The following AP3D1 variants were observed in gnomAD, a reference collection of about 807,000 sequenced individuals.
AP3D1 encodes adaptor related protein complex 3 subunit delta 1, also known as AP-3 complex subunit delta-1.
AP3D1 carries 51 observed loss-of-function variants against 147.6 expected under a neutral mutation model. That is an observed-to-expected ratio of 0.35 (90% CI 0.28 to 0.44). The LOEUF is 0.44. Among genes scored for constraint, AP3D1 ranks in the 20% least tolerant of loss-of-function variants. The pLI, the probability that AP3D1 is intolerant of heterozygous loss-of-function variation, is 1.00. For synonymous variants in AP3D1, 760 were observed against 663.0 expected (o/e 1.15, Z -2.25); for missense variants, 1,421 against 1,624.2 (o/e 0.87, Z 2.15).
chr19:2,122,755 C>T (rs777253063), intron 11 of AP3D1, among the ~76,000 whole-genome samples: 2 of 152,192 alleles, frequency 1.3e-5, no homozygotes. Flanking sequence ...TACCTGAAAC[C>T]TCAGATAAGG....
At position 2,120,883 on chromosome 19, in the gene AP3D1, C is replaced by T; in HGVS notation, c.1460G>A (p.Trp487Ter). The change falls in exon 14 of 32, where the codon TGG becomes TAG. Residue 487 changes from tryptophan (W) to a stop codon, truncating the protein, a stop_gained. Transcript: ENST00000643116. LOFTEE classifies it high-confidence loss of function. ...TCACTCTGAGAACTCCCCGCAGATC[C>T]AGGCGGCAGCGTACAGCACCTCACA... ...GICEVLYAAA[W>*]ICGEFSEHLQ... 6.2e-7 allele frequency: 1 copy of T among 1,609,844 alleles called. No individual in the cohort carries two copies. The highest frequency in any genetic ancestry group is 8.5e-7 in the Non-Finnish European group (1 of 1,179,720).
chr19:2,161,728 A>C (rs2019700230), intron 1 of AP3D1, among the ~76,000 whole-genome samples: 1 of 151,940 alleles, frequency 6.6e-6, no homozygotes, highest in Non-Finnish European at 1.5e-5. Context: ...GTGGGAATAT[A>C]ACTTGAGATC....
rs372300803 is a variant in AP3D1 at position 2,120,921 on chromosome 19, C to T, written c.1422G>A (p.Gln474=). The change falls in exon 14 of 32, where the codon CAG becomes CAA. Residue 474 remains glutamine (Q), a synonymous_variant. Coordinates refer to ENST00000643116, the MANE Select transcript of AP3D1 (RefSeq NM_001261826.3). ...ACAGCACCTCACAGATCCCGTTCCG[C>T]TGGGTGCTGCTGGCCAGCAGGTGTG... The part of the protein sequence containing the change: ...DSAHLLASST[Q]RNGICEVLYA... 2 of 1,611,694 alleles carry T rather than the reference C, an allele frequency of 1.2e-6. No homozygotes were observed. The highest frequency in any genetic ancestry group is 2.7e-5 in the African/African-American group (2 of 75,072).
chr19:2,135,474 T>C (rs1025069642), intron 4 of AP3D1, among the ~76,000 whole-genome samples: 1 of 152,138 alleles, frequency 6.6e-6, no homozygotes, highest in Non-Finnish European at 1.5e-5. Context: ...AGGCAGAGGT[T>C]GCGGTGAGCC....
chr19:2,156,052 C>CAA, upstream of AP3D1, among the ~76,000 whole-genome samples: 1 of 115,088 alleles, frequency 8.7e-6, no homozygotes, highest in Non-Finnish European at 1.8e-5. Context: ...GACTCCGTCT[C>CAA]AAAAAAAAAA....
intron 9 of AP3D1, 76 bp from the exon 10 acceptor site, chr19:2,123,955 C>T: frequency 2.0e-6 from 3 of 1,476,092 alleles, no homozygotes; most frequent in Middle Eastern, 1.7e-4. Context: ...CCACGGGGCA[C>T]CAGCACCCCC....
At chr19:2,151,868 G>A (rs1046849074), upstream of AP3D1, among the ~76,000 whole-genome samples, 1 of 152,270 alleles carries the variant, frequency 6.6e-6, no homozygotes, top group African/African-American at 2.4e-5. Flanking sequence ...AGGTGTGAGC[G>A]TGGCTGGATG....
Position 2,114,159 on chromosome 19 carries a change from CTCTCTT to C in AP3D1, c.2561_2566del (p.Lys854_Glu855del). ...CTTCTCCTTCTTCTTCTCCTTGTCTCTCTCTTTCTCTTTGTGTTTTTTCTCTTTCTT... is the reference window on the plus strand; with the variant it reads ...CTTCTCCTTCTTCTTCTCCTTGTCTCTCTCTTTGTGTTTTTTCTCTTTCTT... On this transcript the variant is annotated inframe_deletion, in exon 22 of 32. Coordinates refer to ENST00000643116, the MANE Select transcript of AP3D1 (RefSeq NM_001261826.3). The C allele has an allele frequency of 1.3e-6, 2 of 1,573,590 alleles. No individual in the cohort carries two copies. Among genetic ancestry groups the C allele is most frequent in the Non-Finnish European group, 1.7e-6 (2 of 1,159,052 alleles).
chr19:2,115,139 G>A (rs568110375), intron 20 of AP3D1, 80 bp downstream of exon 20: 2 of 1,428,866 alleles, frequency 1.4e-6, no homozygotes, highest in East Asian at 4.6e-5. Flanking sequence ...ACCATGGGGA[G>A]AGGCCACTGT....
chr19:2,115,135 G>C lies in AP3D1; in HGVS notation c.2349+84C>G, dbSNP rs556466803. On this transcript the variant is annotated intron_variant, in intron 20 of 31. Transcript: ENST00000643116. The stretch of plus-strand genomic sequence containing the variant: ...ATCCCAGCCACCAACGAAGACCATG[G>C]GGAGAGGCCACTGTGCATGGCCCCA... The C allele has an allele frequency of 1.9e-5, 27 of 1,401,154 alleles. No individual in the cohort carries two copies. In the East Asian group the frequency reaches 5.6e-4, roughly 29 times the overall value. 86.8% of individuals were successfully genotyped at this position (1,401,154 alleles called of 1,614,324 possible).
Position 2,125,693 on chromosome 19 carries a change from GA to G in AP3D1, c.856+1458del, listed in dbSNP as rs961344690. On this transcript the variant is annotated intron_variant, in intron 9 of 31. Transcript: ENST00000643116. The stretch of plus-strand genomic sequence containing the variant: ...ATAGGTGTATAGATTACCCAGGTAG[GA>G]ACAAATGTATTTTAAACAGAAATGT... 1.5e-4 allele frequency among the ~76,000 whole-genome samples: 23 copies of G among 152,140 alleles called. 1 individual carries two copies. Among genetic ancestry groups the G allele is most frequent in the African/African-American group, 5.3e-4 (22 of 41,422 alleles).
At chr19:2,109,250 C>A in intron 29 of AP3D1, 43 bp from the exon 30 acceptor site, 2 of 1,526,484 alleles carry the variant, frequency 1.3e-6, no homozygotes, top group South Asian at 1.3e-5. Context: ...GGGCCGGGCT[C>A]CTCAGGCTTC....
At chr19:2,116,537 C>T (rs2018454505) in intron 17 of AP3D1, 68 bp downstream of exon 17, 2 of 1,475,784 alleles carry the variant, frequency 1.4e-6, no homozygotes, top group Admixed American at 2.4e-5. Context: ...GGCCGCTGAC[C>T]TGCCTCAAAG....
chr19:2,139,671 C>T lies in AP3D1; in HGVS notation c.97-957G>A, dbSNP rs963592014. 2.0e-5 allele frequency among the ~76,000 whole-genome samples: 3 copies of T among 152,044 alleles called. 1 individual carries two copies. Among genetic ancestry groups the T allele is most frequent in the Middle Eastern group, 6.3e-3 (2 of 316 alleles). On this transcript the variant is annotated intron_variant, in intron 1 of 31. Transcript: ENST00000643116. ...CTCCATCAGTGAACGATGAGGCACC[C>T]ACAAGCCCTCCTAATGCACAGGAGC...
rs1452447290 is a variant in AP3D1 at position 2,116,657 on chromosome 19, T to C, written c.1949A>G (p.Gln650Arg). Residue 650 changes from glutamine (Q) to arginine (R), a missense_variant, in exon 17 of 32, where the codon CAG (glutamine) becomes CGG (arginine). Around this residue, in one of 6 missense-constraint regions of AP3D1, gnomAD observed 791 missense variants for 761.4 expected, o/e 1.04. Coordinates refer to ENST00000643116, the MANE Select transcript of AP3D1 (RefSeq NM_001261826.3). ...CGACGGCCGGTGCTTGGGACGCCGC[T>C]GCTCCTCCTCGTGGAAGACGGCCCT... Reference protein sequence around the residue: ...RPRAVFHEEEQRRPKHRPSEA... With the variant: ...RPRAVFHEEERRRPKHRPSEA... The C allele has an allele frequency of 1.2e-6, 2 of 1,606,382 alleles. No homozygotes were observed. Among genetic ancestry groups the C allele is most frequent in the Admixed American group, 3.4e-5 (2 of 59,354 alleles).
At chr19:2,131,146 G>A (rs549987901) in intron 5 of AP3D1, among the ~76,000 whole-genome samples, 18 of 152,386 alleles carry the variant, frequency 1.2e-4, no homozygotes, top group Middle Eastern at 3.4e-3. Flanking sequence ...AACACAACAC[G>A]TGAAAAGAAG....
chr19:2,115,068 A>G, intron 20 of AP3D1, 151 bp downstream of exon 20: 1 of 885,950 alleles, frequency 1.1e-6, no homozygotes, highest in Non-Finnish European at 1.7e-6. Flanking sequence ...GTGCTCGAGG[A>G]CAGAGAGGCC....
chr19:2,103,507 A>G (rs1157926425), intron 31 of AP3D1, among the ~76,000 whole-genome samples: 1 of 152,188 alleles, frequency 6.6e-6, no homozygotes, highest in Non-Finnish European at 1.5e-5. Context: ...ACGCGGGGAA[A>G]GCCACCCCGT....
chr19:2,149,014 G>C (rs72983485), intron 1 of AP3D1, among the ~76,000 whole-genome samples: 1 of 152,214 alleles, frequency 6.6e-6, no homozygotes, highest in Non-Finnish European at 1.5e-5. Context: ...GGTACAACTA[G>C]AACTGTCATT....
Sources: gnomAD v4.1 joint callset for allele counts (sites outside exome capture counted in the v4.1 genomes callset) on GRCh38, gnomAD v4.1.1 for gene constraint, gnomAD v4.1.1 regional missense constraint, MANE v1.5 for transcripts, NCBI Gene and HGNC (gene_info 2026-07-23, HGNC 2026-07-21) for gene names.